IL1RAPL2: variants seen among roughly 807,000 people sequenced by gnomAD.
IL1RAPL2 encodes interleukin 1 receptor accessory protein like 2, also known as X-linked interleukin-1 receptor accessory protein-like 2.
A neutral mutation model predicts 44.1 loss-of-function variants in IL1RAPL2; 3 were observed. That is an observed-to-expected ratio of 0.07 (90% CI 0.03 to 0.18). The LOEUF is 0.18. IL1RAPL2 is among the 10% of genes least tolerant of loss of function. The pLI, the probability that IL1RAPL2 is intolerant of heterozygous loss-of-function variation, is 1.00. For synonymous variants in IL1RAPL2, 181 were observed against 178.8 expected (o/e 1.01, Z -0.10); for missense variants, 391 against 496.4 (o/e 0.79, Z 2.02).
chrX:104,597,259 G>T (rs904524226), intron 1 of IL1RAPL2, among the ~76,000 whole-genome samples: 1 of 107,585 alleles, frequency 9.3e-6, no homozygotes, highest in Non-Finnish European at 1.9e-5. Flanking sequence ...CAGGAGAATT[G>T]CTTGAACCTG....
At chrX:105,078,990 G>A (rs751949786) in intron 2 of IL1RAPL2, among the ~76,000 whole-genome samples, 33 of 112,377 alleles carry the variant, frequency 2.9e-4, no homozygotes, top group African/African-American at 1.0e-3. Context: ...TGGGTGAGGC[G>A]ATGCCTCGCC....
chrX:105,405,525 A>C, intron 5 of IL1RAPL2: 3 of 470,626 alleles, frequency 6.4e-6, no homozygotes, highest in Non-Finnish European at 1.1e-5. Flanking sequence ...AAGGGCAGGA[A>C]GGTGGCAAAG....
chrX:104,681,925 C>G (rs1930896858), intron 2 of IL1RAPL2, among the ~76,000 whole-genome samples: 1 of 112,639 alleles, frequency 8.9e-6, no homozygotes, highest in Non-Finnish European at 1.9e-5. Context: ...CTAGAATGAC[C>G]ACCCATAAAT....
At chrX:104,693,784 C>T (rs1931134301) in intron 2 of IL1RAPL2, among the ~76,000 whole-genome samples, 1 of 111,731 alleles carries the variant, frequency 9.0e-6, no homozygotes, top group South Asian at 3.7e-4. Context: ...GTTTTTAGGA[C>T]TGAAATATGG....
chrX:104,783,920 C>A (rs1043209223), intron 2 of IL1RAPL2, among the ~76,000 whole-genome samples: 1 of 110,698 alleles, frequency 9.0e-6, no homozygotes, highest in African/African-American at 3.3e-5. Flanking sequence ...CAAGATCTGG[C>A]CAGTTTTGGA....
intron 2 of IL1RAPL2, among the ~76,000 whole-genome samples, chrX:105,058,537 C>T (rs2032028793): frequency 8.9e-6 from 1 of 112,164 alleles, no homozygotes; most frequent in Non-Finnish European, 1.9e-5. Context: ...CCTTTCTGTG[C>T]CCCTGCTGTC....
At chrX:104,611,276 T>C (rs1929151715) in intron 1 of IL1RAPL2, among the ~76,000 whole-genome samples, 1 of 111,195 alleles carries the variant, frequency 9.0e-6, no homozygotes, top group Non-Finnish European at 1.9e-5. Flanking sequence ...TTCCCCCAGG[T>C]GCTCTGTCCC....
At chrX:104,759,421 T>G (rs775183636) in intron 2 of IL1RAPL2, among the ~76,000 whole-genome samples, 1 of 112,112 alleles carries the variant, frequency 8.9e-6, no homozygotes, top group African/African-American at 3.2e-5. Flanking sequence ...TAGACTCTGT[T>G]TCATTGCCTA....
chrX:105,111,796 TG>T (rs1569384718), intron 2 of IL1RAPL2, among the ~76,000 whole-genome samples: 1 of 111,955 alleles, frequency 8.9e-6, no homozygotes, highest in Non-Finnish European at 1.9e-5. Context: ...GTTGTTGTTT[TG>T]AAACTGAGAA....
intron 5 of IL1RAPL2, among the ~76,000 whole-genome samples, chrX:105,331,434 A>C (rs1245979882): frequency 1.8e-5 from 2 of 111,763 alleles, no homozygotes; most frequent in African/African-American, 6.5e-5. Flanking sequence ...ATGCTGCCCA[A>C]ATGGAATGTA....
chrX:105,755,293 A>G lies in IL1RAPL2; in HGVS notation c.1309A>G (p.Lys437Glu), dbSNP rs765413739. Residue 437 changes from lysine (K) to glutamate (E), a missense_variant, in exon 10 of 11, where the codon AAA (lysine) becomes GAA (glutamate). Physicochemically the swap from Lys to Glu is moderately conservative, Grantham distance 56 (BLOSUM62 1). This residue lies in a region of IL1RAPL2 where 232 missense variants were observed against 244.8 expected (regional missense o/e 0.95). Coordinates refer to ENST00000372582, the MANE Select transcript of IL1RAPL2 (RefSeq NM_017416.2). The part of the protein sequence containing the change: ...ALEVLPDVLE[K>E]HYGYKLFIPE... ...TGAAGTACTGCCAGATGTCCTGGAAAAACACTATGGATATAAACTCTTCAT... is the reference window on the plus strand; with the variant it reads ...TGAAGTACTGCCAGATGTCCTGGAAGAACACTATGGATATAAACTCTTCAT... 1 of 1,204,940 alleles carries G rather than the reference A, an allele frequency of 8.3e-7. No homozygotes were observed. Among genetic ancestry groups the G allele is most frequent in the East Asian group, 3.0e-5 (1 of 33,682 alleles).
intron 6 of IL1RAPL2, among the ~76,000 whole-genome samples, chrX:105,712,818 G>T (rs917102968): frequency 1.8e-5 from 2 of 112,075 alleles, no homozygotes; most frequent in African/African-American, 6.5e-5. Context: ...CTATGAGTCT[G>T]TAAAATCAAA....
At chrX:105,418,519 A>T (rs1409287932) in intron 5 of IL1RAPL2, among the ~76,000 whole-genome samples, 1 of 111,607 alleles carries the variant, frequency 9.0e-6, no homozygotes, top group Non-Finnish European at 1.9e-5. Context: ...CATAGGTGAG[A>T]TTTTGTCACT....
chrX:104,676,251 C>G (rs1234664588), intron 2 of IL1RAPL2, among the ~76,000 whole-genome samples: 1 of 111,523 alleles, frequency 9.0e-6, no homozygotes, highest in Non-Finnish European at 1.9e-5. Context: ...TTGTTCCTTT[C>G]CATGTTTAGT....
intron 2 of IL1RAPL2, among the ~76,000 whole-genome samples, chrX:104,957,930 T>C (rs1197545695): frequency 9.1e-6 from 1 of 110,381 alleles, no homozygotes; most frequent in Admixed American, 9.7e-5. Flanking sequence ...CTACTAAAAA[T>C]AAAAATTAAA....
intron 2 of IL1RAPL2, among the ~76,000 whole-genome samples, chrX:104,816,616 T>A (rs1426288205): frequency 8.9e-6 from 1 of 112,279 alleles, no homozygotes; most frequent in African/African-American, 3.2e-5. Context: ...TTAGTTATGA[T>A]TTGATAGTCA....
At chrX:104,818,268 C>T (rs988359605) in intron 2 of IL1RAPL2, among the ~76,000 whole-genome samples, 7 of 97,727 alleles carry the variant, frequency 7.2e-5, no homozygotes, top group African/African-American at 1.2e-4. Flanking sequence ...GGAGTGAACC[C>T]GGGAGGCAGA....
intron 2 of IL1RAPL2, among the ~76,000 whole-genome samples, chrX:104,864,339 A>G (rs775513211): frequency 7.8e-4 from 87 of 112,235 alleles, no homozygotes; most frequent in Non-Finnish European, 1.2e-3. Flanking sequence ...AGCTCTGAAA[A>G]CTTCAAGGAA....
At chrX:105,008,012 C>T (rs1224279722) in intron 2 of IL1RAPL2, among the ~76,000 whole-genome samples, 1 of 531 alleles carries the variant, frequency 1.9e-3, no homozygotes, top group Non-Finnish European at 3.3e-3. Context: ...AAGGGCAATA[C>T]TATCTGTCTT....
Sources: gnomAD v4.1 joint callset for allele counts (sites outside exome capture counted in the v4.1 genomes callset) on GRCh38, gnomAD v4.1.1 for gene constraint, gnomAD v4.1.1 regional missense constraint, MANE v1.5 for transcripts, NCBI Gene and HGNC (gene_info 2026-07-23, HGNC 2026-07-21) for gene names.